The following BCAS3 variants were observed in gnomAD, a reference collection of about 807,000 sequenced individuals.
The protein encoded by BCAS3 is BCAS3 microtubule associated cell migration factor.
In BCAS3, 53 loss-of-function variants were observed where a neutral mutation model predicts 116.1. The observed-to-expected ratio is 0.46, with a 90% CI of 0.37 to 0.57. BCAS3 has a LOEUF of 0.57. Among genes scored for constraint, BCAS3 ranks in the 20% least tolerant of loss-of-function variants. The pLI, the probability that BCAS3 is intolerant of heterozygous loss-of-function variation, is 0.00. For synonymous variants in BCAS3, 391 were observed against 408.2 expected (o/e 0.96, Z 0.51); for missense variants, 917 against 1,165.4 (o/e 0.79, Z 3.10).
chr17:60,908,191 A>G (rs1649019059), intron 11 of BCAS3, among the ~76,000 whole-genome samples: 1 of 151,738 alleles, frequency 6.6e-6, no homozygotes, highest in Non-Finnish European at 1.5e-5. Context: ...AACACTCTTC[A>G]TGTAATATGA....
chr17:61,184,771 A>G (rs1432443018), intron 22 of BCAS3, among the ~76,000 whole-genome samples: 1 of 152,172 alleles, frequency 6.6e-6, no homozygotes, highest in Non-Finnish European at 1.5e-5. Flanking sequence ...CAATAAAAAG[A>G]AGGAAGTACG....
At chr17:60,726,594 C>A (rs537897330) in intron 5 of BCAS3, among the ~76,000 whole-genome samples, 1 of 151,634 alleles carries the variant, frequency 6.6e-6, no homozygotes, top group African/African-American at 2.4e-5. Context: ...ACTGCAAGCT[C>A]CGCCTCGCAG....
intron 22 of BCAS3, among the ~76,000 whole-genome samples, chr17:61,270,040 T>TG (rs1303927058): frequency 2.0e-5 from 3 of 151,416 alleles, no homozygotes; most frequent in African/African-American, 7.3e-5. Context: ...CCTTGCCTCA[T>TG]GTGATCCACC....
At position 60,689,617 on chromosome 17, in the gene BCAS3, T is replaced by G. The variant is rs936774964; in HGVS notation, c.139-69T>G. ...GGTATAGTGTTGGCTTTAAGTCACT[T>G]TGTTTTGAACATCAGTAATATTAAA... On this transcript the variant is annotated intron_variant, in intron 3 of 23. Coordinates refer to ENST00000407086, the MANE Select transcript of BCAS3 (RefSeq NM_017679.5). 30 of 1,194,360 alleles carry G rather than the reference T, an allele frequency of 2.5e-5. No individual in the cohort carries two copies. In the African/African-American group the frequency reaches 4.4e-4, roughly 18 times the overall value. 74.0% of individuals were successfully genotyped at this position (1,194,360 alleles called of 1,614,324 possible). A position where few individuals can be genotyped will look rare whatever the true frequency, so the allele number is the denominator to read the frequency against.
intron 22 of BCAS3, among the ~76,000 whole-genome samples, chr17:61,135,093 G>A (rs971600568): frequency 2.6e-5 from 4 of 152,156 alleles, no homozygotes; most frequent in Admixed American, 1.3e-4. Context: ...AAACTGCGAC[G>A]TGTGAAGTGC....
chr17:60,987,780 G>A (rs77579206), intron 14 of BCAS3, among the ~76,000 whole-genome samples: 4,751 of 152,054 alleles, frequency 0.031, 249 homozygotes, highest in African/African-American at 0.11. Flanking sequence ...CTGCAAACGA[G>A]GCTCATTTGA....
intron 22 of BCAS3, among the ~76,000 whole-genome samples, chr17:61,257,970 A>G (rs1434861445): frequency 6.6e-6 from 1 of 152,190 alleles, no homozygotes; most frequent in African/African-American, 2.4e-5. Flanking sequence ...CTCATGGGAA[A>G]TGTAATTGTT....
chr17:61,066,622 AT>A (rs1359480645), intron 19 of BCAS3, among the ~76,000 whole-genome samples: 4 of 152,188 alleles, frequency 2.6e-5, no homozygotes, highest in Non-Finnish European at 5.9e-5. Flanking sequence ...TATATTTAAT[AT>A]GTTAATGATA....
chr17:61,188,650 C>G lies in BCAS3; in HGVS notation c.2425+104086C>G, dbSNP rs1167134475. Among the ~76,000 whole-genome samples the G allele has an allele frequency of 1.3e-5, 2 of 152,188 alleles. No homozygotes were observed. Among genetic ancestry groups the G allele is most frequent in the African/African-American group, 4.8e-5 (2 of 41,454 alleles). On this transcript the variant is annotated intron_variant, in intron 22 of 23. Transcript: ENST00000407086. The surrounding 1 kb of genome is among the most constrained non-coding windows in gnomAD (Gnocchi z 4.0). ...ATAGAGTCCACTGTGGATGCAAGTA[C>G]AAGCGAGGAGAGGTCCTTCAGGCAA...
intron 22 of BCAS3, among the ~76,000 whole-genome samples, chr17:61,296,450 C>G (rs2052916470): frequency 6.6e-6 from 1 of 152,136 alleles, no homozygotes; most frequent in African/African-American, 2.4e-5. Context: ...AGAGGCTGTT[C>G]TTCAGAATTC....
chr17:60,925,197 G>A (rs1428867131), intron 13 of BCAS3, among the ~76,000 whole-genome samples: 1 of 151,928 alleles, frequency 6.6e-6, no homozygotes, highest in South Asian at 2.1e-4. Flanking sequence ...TTGCCACGAT[G>A]CTTGGCCAGA....
At chr17:61,201,117 C>A (rs1391370202) in intron 22 of BCAS3, among the ~76,000 whole-genome samples, 2 of 152,048 alleles carry the variant, frequency 1.3e-5, no homozygotes, top group Non-Finnish European at 2.9e-5. Flanking sequence ...GAAATAAATA[C>A]ATTTTAACCC....
At chr17:60,813,338 C>T (rs928153037) in intron 7 of BCAS3, among the ~76,000 whole-genome samples, 1 of 151,150 alleles carries the variant, frequency 6.6e-6, no homozygotes, top group African/African-American at 2.4e-5. Context: ...AGCAATTAAG[C>T]AATTTGTTTA....
intron 22 of BCAS3, among the ~76,000 whole-genome samples, chr17:61,101,524 G>C (rs1601240153): frequency 6.6e-6 from 1 of 152,174 alleles, no homozygotes; most frequent in South Asian, 2.1e-4. Context: ...ATGGATTAAA[G>C]CTTAAAACAT....
intron 10 of BCAS3, among the ~76,000 whole-genome samples, chr17:60,895,717 C>G (rs2057463565): frequency 6.6e-6 from 1 of 152,080 alleles, no homozygotes; most frequent in African/African-American, 2.4e-5. Flanking sequence ...TTGCTGTATT[C>G]CACAGTTTTG....
At chr17:61,099,418 A>T (rs902098523) in intron 22 of BCAS3, among the ~76,000 whole-genome samples, 27 of 152,218 alleles carry the variant, frequency 1.8e-4, no homozygotes, top group African/African-American at 6.0e-4. Flanking sequence ...AAATATCATA[A>T]CATGATTACA....
intron 13 of BCAS3, among the ~76,000 whole-genome samples, chr17:60,926,982 A>G (rs185788683): frequency 2.0e-3 from 308 of 152,270 alleles, no homozygotes; most frequent in African/African-American, 6.8e-3. Context: ...TTATTTTGTG[A>G]CAATCATTTG....
intron 14 of BCAS3, among the ~76,000 whole-genome samples, chr17:60,977,288 T>G (rs1172519011): frequency 6.6e-6 from 1 of 152,106 alleles, no homozygotes; most frequent in Non-Finnish European, 1.5e-5. Context: ...CCAGCGATCC[T>G]CCCACCTCAG....
Position 61,333,379 on chromosome 17 carries a change from A to G in BCAS3, c.2426-34948A>G, listed in dbSNP as rs905894488. On this transcript the variant is annotated intron_variant, in intron 22 of 23. Coordinates refer to ENST00000407086, the MANE Select transcript of BCAS3 (RefSeq NM_017679.5). The surrounding 1 kb of genome is among the most constrained non-coding windows in gnomAD (Gnocchi z 4.8). ...AGTTCTTACCAGACAATAGCTGTCTATGACCTCAAGCCAGGCCTAGGACAA... is the reference window on the plus strand; with the variant it reads ...AGTTCTTACCAGACAATAGCTGTCTGTGACCTCAAGCCAGGCCTAGGACAA... Among the ~76,000 whole-genome samples the G allele has an allele frequency of 6.6e-6, 1 of 152,170 alleles. No homozygotes were observed. The highest frequency in any genetic ancestry group is 2.4e-5 in the African/African-American group (1 of 41,448).
Sources: allele counts gnomAD v4.1 joint callset (sites outside exome capture counted in the v4.1 genomes callset), GRCh38; gene constraint gnomAD v4.1.1; non-coding constraint Gnocchi (gnomAD v3.1); transcripts MANE v1.5; gene names NCBI Gene and HGNC (gene_info 2026-07-23, HGNC 2026-07-21).